The following MAPKAP1 variants were observed in gnomAD, a reference collection of about 807,000 sequenced individuals.
MAPKAP1 encodes target of rapamycin complex 2 subunit MAPKAP1.
Under a neutral mutation model 65.7 loss-of-function variants are expected in MAPKAP1, and 20 were observed. That is an observed-to-expected ratio of 0.30 (90% confidence interval 0.21 to 0.44). The LOEUF is 0.44. MAPKAP1 is among the 20% of genes least tolerant of loss of function. MAPKAP1 has a pLI of 1.00. For missense variants in MAPKAP1, 423 were observed against 648.0 expected (o/e 0.65, Z 3.77); for synonymous variants, 222 against 244.3 (o/e 0.91, Z 0.85).
intron 1 of MAPKAP1, among the ~76,000 whole-genome samples, chr9:125,691,517 A>G (rs1298081480): frequency 1.3e-5 from 2 of 152,194 alleles, no homozygotes; most frequent in Non-Finnish European, 2.9e-5. Context: ...CCCAGGAGAA[A>G]GGTCTGAGCA....
At chr9:125,683,079 C>T (rs1228479791) in intron 1 of MAPKAP1, among the ~76,000 whole-genome samples, 1 of 151,522 alleles carries the variant, frequency 6.6e-6, no homozygotes, top group Admixed American at 6.6e-5. Flanking sequence ...CCTCAGCCTC[C>T]CTAGTAGCTG....
chr9:125,514,789 G>C (rs1311842966), intron 7 of MAPKAP1, among the ~76,000 whole-genome samples: 1 of 152,142 alleles, frequency 6.6e-6, no homozygotes, highest in Non-Finnish European at 1.5e-5. Flanking sequence ...ACTTATGGCA[G>C]GAAGACCCAT....
At position 125,447,151 on chromosome 9, in the gene MAPKAP1, T is replaced by G. The variant is rs1272053122; in HGVS notation, c.1346-2553A>C. On this transcript the variant is annotated intron_variant, in intron 10 of 11. Transcript: ENST00000265960. The surrounding 1 kb of genome is among the most constrained non-coding windows in gnomAD (Gnocchi z 4.5). ...ACCTCAAATCCCGTCCTCTGAATTT[T>G]GAATGTATTTGGTTGCATGTGGAGG... 6.6e-6 allele frequency among the ~76,000 whole-genome samples: 1 copy of G among 152,176 alleles called. No individual in the cohort carries two copies. The highest frequency in any genetic ancestry group is 2.4e-5 in the African/African-American group (1 of 41,410).
At chr9:125,620,602 G>A (rs1018541924) in intron 4 of MAPKAP1, among the ~76,000 whole-genome samples, 7 of 152,156 alleles carry the variant, frequency 4.6e-5, no homozygotes, top group African/African-American at 1.4e-4. Flanking sequence ...TTAGAAACAA[G>A]TCAAGTCTTC....
chr9:125,585,156 G>C (rs1489442185), intron 5 of MAPKAP1, among the ~76,000 whole-genome samples: 3 of 152,032 alleles, frequency 2.0e-5, no homozygotes, highest in African/African-American at 7.2e-5. Flanking sequence ...GCAGAATGAG[G>C]ATCATTACCC....
chr9:125,517,426 GACTT>G (rs983934972), intron 7 of MAPKAP1, among the ~76,000 whole-genome samples: 2 of 152,112 alleles, frequency 1.3e-5, no homozygotes, highest in African/African-American at 2.4e-5. Flanking sequence ...GTGATTTACA[GACTT>G]ACTGCCTCAA....
chr9:125,596,230 C>T, intron 4 of MAPKAP1: 1 of 765,296 alleles, frequency 1.3e-6, no homozygotes, highest in East Asian at 2.4e-5. Context: ...ATGGCTAATA[C>T]TTCATCCAGC....
intron 8 of MAPKAP1, among the ~76,000 whole-genome samples, chr9:125,489,388 G>A (rs966624927): frequency 2.0e-5 from 3 of 152,138 alleles, no homozygotes; most frequent in Admixed American, 1.3e-4. Flanking sequence ...TTTTGTCAAA[G>A]TCGGGAGGGT....
At chr9:125,706,109 A>G (rs1835749952) in intron 1 of MAPKAP1, among the ~76,000 whole-genome samples, 1 of 152,194 alleles carries the variant, frequency 6.6e-6, no homozygotes, top group Admixed American at 6.5e-5. Context: ...TGCTTCATCA[A>G]GAACTCTTTC....
intron 1 of MAPKAP1, among the ~76,000 whole-genome samples, chr9:125,681,734 T>C (rs898629094): frequency 1.3e-5 from 2 of 152,214 alleles, no homozygotes; most frequent in Non-Finnish European, 2.9e-5. Flanking sequence ...TTAGAATTCA[T>C]TCATATTTTG....
At chr9:125,559,597 T>G in intron 6 of MAPKAP1, 36 bp downstream of exon 6, 196 of 1,559,892 alleles carry the variant, frequency 1.3e-4, no homozygotes, top group Non-Finnish European at 1.5e-4. Flanking sequence ...AAGGTTGGGA[T>G]GAGATACCGA....
At chr9:125,682,114 A>G (rs1021832560) in intron 1 of MAPKAP1, among the ~76,000 whole-genome samples, 11 of 152,200 alleles carry the variant, frequency 7.2e-5, no homozygotes, top group African/African-American at 2.7e-4. Context: ...ATACATCACT[A>G]AAATTGATAC....
chr9:125,437,776 T>C lies in MAPKAP1; in HGVS notation c.*1111A>G, dbSNP rs1852344937. The C allele has an allele frequency of 6.6e-6, 1 of 152,326 alleles. No homozygotes were observed. Among genetic ancestry groups the C allele is most frequent in the Non-Finnish European group, 1.5e-5 (1 of 68,046 alleles). The allele number at this position is 152,326 out of a possible 1,614,324, so 9.4% of individuals were successfully genotyped here. A position where few individuals can be genotyped will look rare whatever the true frequency, so the allele number is the denominator to read the frequency against. ...GGTCCCCGGCCCTGGCTGGGGACAG[T>C]AAGGACATCACCGCAGGAGGGACAC... On this transcript the variant is annotated 3_prime_UTR_variant, in exon 12 of 12. Coordinates refer to ENST00000265960, the MANE Select transcript of MAPKAP1 (RefSeq NM_001006617.3).
chr9:125,595,707 G>C lies in MAPKAP1; in HGVS notation c.499-9980C>G. 4 of 1,560,692 alleles carry C rather than the reference G, an allele frequency of 2.6e-6. No homozygotes were observed. The highest frequency in any genetic ancestry group is 3.5e-6 in the Non-Finnish European group (4 of 1,156,116). ...TCTCCTAAAGAGCCGGAACAGCTAAGGAATCTCTTCATTGGAGGGTTGAGC... is the reference window on the plus strand; with the variant it reads ...TCTCCTAAAGAGCCGGAACAGCTAACGAATCTCTTCATTGGAGGGTTGAGC... On this transcript the variant is annotated intron_variant, in intron 4 of 11. Transcript: ENST00000265960. The surrounding 1 kb of genome is among the most constrained non-coding windows in gnomAD (Gnocchi z 4.0).
At chr9:125,678,804 C>T (rs1834733357) in intron 1 of MAPKAP1, among the ~76,000 whole-genome samples, 1 of 152,042 alleles carries the variant, frequency 6.6e-6, no homozygotes, top group Non-Finnish European at 1.5e-5. Context: ...GATAATTTTA[C>T]ATACACTCAT....
At chr9:125,573,991 T>C (rs1314724197) in intron 5 of MAPKAP1, among the ~76,000 whole-genome samples, 1 of 152,250 alleles carries the variant, frequency 6.6e-6, no homozygotes, top group Non-Finnish European at 1.5e-5. Context: ...AGCGAGACCA[T>C]GCCTGGCTCT....
intron 8 of MAPKAP1, among the ~76,000 whole-genome samples, chr9:125,493,832 A>T (rs549618893): frequency 2.0e-5 from 3 of 152,314 alleles, no homozygotes; most frequent in Admixed American, 2.0e-4. Context: ...GGTGAGAAAA[A>T]TGAGACTCAG....
At chr9:125,653,265 AC>A (rs1486569120) in intron 4 of MAPKAP1, among the ~76,000 whole-genome samples, 1 of 152,206 alleles carries the variant, frequency 6.6e-6, no homozygotes, top group Non-Finnish European at 1.5e-5. Context: ...AATTTATTTA[AC>A]CGAAATTTTA....
At chr9:125,642,013 C>A (rs1833592145) in intron 4 of MAPKAP1, among the ~76,000 whole-genome samples, 1 of 152,098 alleles carries the variant, frequency 6.6e-6, no homozygotes, top group African/African-American at 2.4e-5. Context: ...ACATGGGCAA[C>A]AGAGCTAGAC....
Sources: gnomAD v4.1 joint callset for allele counts (sites outside exome capture counted in the v4.1 genomes callset) on GRCh38, gnomAD v4.1.1 for gene constraint, Gnocchi (gnomAD v3.1) non-coding constraint, MANE v1.5 for transcripts, NCBI Gene and HGNC (gene_info 2026-07-23, HGNC 2026-07-21) for gene names.